FAM228A: variants seen among roughly 807,000 people sequenced by gnomAD.
The protein encoded by FAM228A is family with sequence similarity 228 member A.
Under a neutral mutation model 18.6 loss-of-function variants are expected in FAM228A, and 13 were observed. The ratio of observed to expected loss-of-function variants is 0.70; its 90% CI spans 0.45 to 1.11. The LOEUF (loss-of-function observed/expected upper bound fraction) is 1.11. FAM228A is among the 50% of genes least tolerant of loss of function. FAM228A has a pLI of 0.00. For synonymous variants in FAM228A, 77 were observed against 86.6 expected (o/e 0.89, Z 0.61); for missense variants, 240 against 242.2 (o/e 0.99, Z 0.06).
At chr2:24,189,048 C>G (rs186710820) in intron 5 of FAM228A, among the ~76,000 whole-genome samples, 281 of 151,692 alleles carry the variant, frequency 1.9e-3, no homozygotes, top group African/African-American at 6.2e-3. Context: ...ATTACATAGC[C>G]CCCCCACCCC....
chr2:24,190,065 G>A (rs1327795642), intron 5 of FAM228A, among the ~76,000 whole-genome samples: 1 of 152,156 alleles, frequency 6.6e-6, no homozygotes, highest in African/African-American at 2.4e-5. Context: ...GCTTTCCTGT[G>A]AGTGCTGGCA....
rs376569182 is a variant in FAM228A, at chr2:24,175,461, C to A, written c.-14-6C>A. 1.2e-5 allele frequency: 19 copies of A among 1,601,852 alleles called. No individual in the cohort carries two copies. The highest frequency in any genetic ancestry group is 1.5e-5 in the Non-Finnish European group (18 of 1,168,760). ...CTCAGCCTCAGTTTACCTTTTCATC[C>A]CTCAGGGATTCTCCTGTCCATGGCT... On this transcript the variant is annotated splice_polypyrimidine_tract_variant and splice_region_variant and intron_variant, in intron 1 of 5. Transcript: ENST00000295150.
At chr2:24,177,933 A>C in intron 3 of FAM228A, 63 bp downstream of exon 3, 1 of 1,026,404 alleles carries the variant, frequency 9.7e-7, no homozygotes, top group African/African-American at 1.6e-5. Flanking sequence ...GTGCAGAACA[A>C]CATGGCCAAG....
Position 24,183,339 on chromosome 2 carries a change from G to A in FAM228A, c.217G>A (p.Glu73Lys). Residue 73 changes from glutamate to lysine, a missense_variant, in exon 4 of 6, where the codon GAA becomes AAA. Physicochemically the swap from Glu to Lys is moderately conservative, Grantham distance 56. Coordinates refer to ENST00000295150, the MANE Select transcript of FAM228A (RefSeq NM_001040710.3). ...PLFQRQQEVDEERRTGLQCET... is the reference protein window; with the variant it reads ...PLFQRQQEVDKERRTGLQCET... Reference sequence around the variant, plus strand: ...GTTTCAAAGACAGCAAGAGGTGGATGAAGAGAGGAGAACTGGTCTTCAGTG... The same window carrying A: ...GTTTCAAAGACAGCAAGAGGTGGATAAAGAGAGGAGAACTGGTCTTCAGTG... The A allele has an allele frequency of 6.2e-7, 1 of 1,614,094 alleles. No individual in the cohort carries two copies. The highest frequency in any genetic ancestry group is 8.5e-7 in the Non-Finnish European group (1 of 1,179,948).
At chr2:24,175,844 G>T in intron 2 of FAM228A, 1 of 1,177,288 alleles carries the variant, frequency 8.5e-7, no homozygotes, top group Non-Finnish European at 1.1e-6. Flanking sequence ...GCCAGGTCTG[G>T]GCTTGCCAGT....
rs573544890 is a variant in FAM228A at position 24,175,346 on chromosome 2, G to A, written c.-14-121G>A. 6.3e-5 allele frequency: 46 copies of A among 727,200 alleles called. 1 individual carries two copies. The South Asian group carries it at 7.2e-4, about 11-fold the overall frequency. 45.0% of individuals were successfully genotyped at this position (727,200 alleles called of 1,614,324 possible). On this transcript the variant is annotated intron_variant, in intron 1 of 5. Transcript: ENST00000295150. ...GGGCGCCAAGGATCCCAGTTTGTTG[G>A]GTGACTCGGCTCAGCTTTTAGAAAG...
Position 24,191,440 on chromosome 2 carries a change from G to A in FAM228A, c.*809G>A. On this transcript the variant is annotated 3_prime_UTR_variant, in exon 6 of 6. Transcript: ENST00000295150. ...GTAAGGGATTCTCCGTCTGTGGTAA[G>A]TTACCTGTGACTCTTCAGCAGTTTC... 4.1e-6 allele frequency: 4 copies of A among 985,438 alleles called. No individual in the cohort carries two copies. The highest frequency in any genetic ancestry group is 4.8e-6 in the Non-Finnish European group (4 of 829,922). 61.0% of individuals were successfully genotyped at this position (985,438 alleles called of 1,614,324 possible).
At position 24,183,559 on chromosome 2, in the gene FAM228A, C is replaced by T; in HGVS notation, c.315C>T (p.Pro105=). Residue 105 remains proline, a synonymous_variant, in exon 5 of 6, where the codon CCC becomes CCT. Coordinates refer to ENST00000295150, the MANE Select transcript of FAM228A (RefSeq NM_001040710.3). The stretch of plus-strand genomic sequence containing the variant: ...AGGCCAGGCTGCATGCCAGCTCGCC[C>T]TACTTCACTTTCACTTCACACTGTG... The part of the protein sequence containing the change: ...IEKARLHASS[P]YFTFTSHCVI... The T allele has an allele frequency of 6.2e-7, 1 of 1,614,070 alleles. No homozygotes were observed. Among genetic ancestry groups the T allele is most frequent in the East Asian group, 2.2e-5 (1 of 44,892 alleles).
intron 5 of FAM228A, among the ~76,000 whole-genome samples, 189 bp from the exon 6 acceptor site, chr2:24,190,223 C>G (rs1668047115): frequency 6.6e-6 from 1 of 152,102 alleles, no homozygotes; most frequent in Non-Finnish European, 1.5e-5. Context: ...GTCACCACCT[C>G]CCTAGGAATT....
intron 3 of FAM228A, among the ~76,000 whole-genome samples, chr2:24,181,409 A>C (rs905941451): frequency 6.6e-6 from 1 of 152,130 alleles, no homozygotes. Flanking sequence ...TTTGAGACAG[A>C]GTTTCGCTCT....
rs760784078 is a variant in FAM228A at position 24,183,282 on chromosome 2, T to G, written c.163-3T>G. Reference sequence around the variant, plus strand: ...TACTCAAAGAGTCTCATTTCTCTTGTAGGTTACAGTCCCACCATTTGTTGA... The same window carrying G: ...TACTCAAAGAGTCTCATTTCTCTTGGAGGTTACAGTCCCACCATTTGTTGA... On this transcript the variant is annotated splice_region_variant and splice_polypyrimidine_tract_variant and intron_variant, in intron 3 of 5. Transcript: ENST00000295150. 6.2e-7 allele frequency: 1 copy of G among 1,608,410 alleles called. No homozygotes were observed. The highest frequency in any genetic ancestry group is 8.5e-7 in the Non-Finnish European group (1 of 1,174,954).
At chr2:24,188,319 T>C (rs1668000302) in intron 5 of FAM228A, 1 of 428,370 alleles carries the variant, frequency 2.3e-6, no homozygotes, top group Non-Finnish European at 3.1e-6. Context: ...CACAGGTAAA[T>C]GTTTGCCTAG....
At chr2:24,186,089 A>G (rs771541237) in intron 5 of FAM228A, among the ~76,000 whole-genome samples, 1 of 151,664 alleles carries the variant, frequency 6.6e-6, no homozygotes, top group Non-Finnish European at 1.5e-5. Context: ...GCAGTGGCAT[A>G]ATCTTGGCTC....
intron 5 of FAM228A, 68 bp from the exon 6 acceptor site, chr2:24,190,344 G>T: frequency 6.8e-7 from 1 of 1,476,768 alleles, no homozygotes; most frequent in Non-Finnish European, 9.0e-7. Flanking sequence ...ATTAATCTTC[G>T]GAAACTATTT....
intron 5 of FAM228A, chr2:24,188,604 T>C: frequency 1.0e-5 from 10 of 985,428 alleles, no homozygotes; most frequent in Non-Finnish European, 1.2e-5. Flanking sequence ...CCACCAAAGA[T>C]GCTAGAAGCA....
At chr2:24,185,764 T>C (rs11886066) in intron 5 of FAM228A, among the ~76,000 whole-genome samples, 157 of 152,344 alleles carry the variant, frequency 1.0e-3, no homozygotes, top group African/African-American at 3.7e-3. Context: ...CCAAATATCC[T>C]ACAACAAAGA....
intron 5 of FAM228A, 39 bp downstream of exon 5, chr2:24,183,684 G>A (rs1300328400): frequency 6.5e-7 from 1 of 1,531,686 alleles, no homozygotes; most frequent in Non-Finnish European, 8.8e-7. Flanking sequence ...TGTTTAACTT[G>A]CAACTTACTT....
At chr2:24,187,274 T>A (rs1667971009) in intron 5 of FAM228A, among the ~76,000 whole-genome samples, 1 of 152,214 alleles carries the variant, frequency 6.6e-6, no homozygotes, top group Non-Finnish European at 1.5e-5. Flanking sequence ...CCCTCCTTTT[T>A]TCAACTTAAC....
intron 2 of FAM228A, chr2:24,176,159 A>C: frequency 1.0e-6 from 1 of 984,790 alleles, no homozygotes. Flanking sequence ...TTATTTGAGA[A>C]TCTGACTCAA....
Sources: gnomAD v4.1 joint callset for allele counts (sites outside exome capture counted in the v4.1 genomes callset) on GRCh38, gnomAD v4.1.1 for gene constraint, MANE v1.5 for transcripts, NCBI Gene and HGNC (gene_info 2026-07-23, HGNC 2026-07-21) for gene names.